The following SAMD13 variants were observed in gnomAD, a reference collection of about 807,000 sequenced individuals.
SAMD13 encodes the protein sterile alpha motif domain containing 13, also known as sterile alpha motif domain-containing protein 13.
In SAMD13, 9 loss-of-function variants were observed where a neutral mutation model predicts 12.4. The observed-to-expected ratio is 0.72, with a 90% CI of 0.44 to 1.26. The LOEUF (loss-of-function observed/expected upper bound fraction) is 1.26. Ranked by LOEUF, SAMD13 falls within the 50% of genes most tolerant of loss-of-function variation. SAMD13 has a pLI of 0.00. For missense variants in SAMD13, 84 were observed against 119.6 expected (o/e 0.70, Z 1.39); for synonymous variants, 46 against 45.4 (o/e 1.01, Z -0.05).
intron 3 of SAMD13, among the ~76,000 whole-genome samples, chr1:84,343,442 A>G (rs1679469160): frequency 6.6e-6 from 1 of 152,240 alleles, no homozygotes; most frequent in Non-Finnish European, 1.5e-5. Flanking sequence ...TAGCAAAGAC[A>G]TGGAATTAAC....
intron 1 of SAMD13, among the ~76,000 whole-genome samples, chr1:84,302,337 CTTT>C (rs34069417): frequency 0.13 from 16,106 of 123,196 alleles, 1,059 homozygotes; most frequent in Non-Finnish European, 0.17. Context: ...CTGTTTCTTC[CTTT>C]TTTTTTTTTT....
chr1:84,339,162 G>A (rs933409478), intron 3 of SAMD13, among the ~76,000 whole-genome samples: 5 of 152,130 alleles, frequency 3.3e-5, no homozygotes, highest in African/African-American at 1.2e-4. Flanking sequence ...TTTCAGTCTG[G>A]TTAAGAACAA....
intron 2 of SAMD13, among the ~76,000 whole-genome samples, chr1:84,307,025 T>G (rs1277512381): frequency 6.6e-6 from 1 of 152,060 alleles, no homozygotes; most frequent in Non-Finnish European, 1.5e-5. Context: ...TTGGTGTGGT[T>G]TCCTTCATGT....
intron 2 of SAMD13, among the ~76,000 whole-genome samples, chr1:84,310,935 C>G (rs1678695795): frequency 6.6e-6 from 1 of 152,058 alleles, no homozygotes; most frequent in South Asian, 2.1e-4. Context: ...AATTTTGTTC[C>G]TCTTTAGCTA....
upstream of SAMD13, chr1:84,298,620 C>T (rs1678367432): frequency 1.6e-6 from 2 of 1,270,308 alleles, no homozygotes; most frequent in Non-Finnish European, 2.0e-6. Context: ...GCCCTCTCCT[C>T]TCTCCAGGAT....
intron 3 of SAMD13, among the ~76,000 whole-genome samples, chr1:84,339,509 C>T (rs1210761349): frequency 4.6e-5 from 7 of 152,108 alleles, no homozygotes; most frequent in Admixed American, 2.0e-4. Context: ...TGGTACCGGG[C>T]CACAGCTTTG....
intron 2 of SAMD13, among the ~76,000 whole-genome samples, chr1:84,310,312 T>C (rs1678682253): frequency 1.3e-5 from 2 of 152,018 alleles, no homozygotes; most frequent in South Asian, 2.1e-4. Flanking sequence ...GGAAGAAGAA[T>C]TGTCTTTGGC....
intron 3 of SAMD13, chr1:84,344,994 G>A (rs1029191090): frequency 2.4e-5 from 11 of 456,616 alleles, no homozygotes; most frequent in African/African-American, 1.8e-4. Context: ...CCTTGGCCTT[G>A]TGGGTAAAGC....
rs1678806060 is a variant in SAMD13, at chr1:84,315,127, A to AT, written c.54-10504dup. Among the ~76,000 whole-genome samples, 4 of 151,314 alleles carry AT rather than the reference A, an allele frequency of 2.6e-5. No homozygotes were observed. In the South Asian group the frequency reaches 6.3e-4, roughly 24 times the overall value. ...TTACTATGAGTTCTACACTCAACAG[A>AT]TTTTTTAAGTGTACGATACAGTATT... On this transcript the variant is annotated intron_variant, in intron 2 of 3. Coordinates refer to ENST00000394834, the MANE Select transcript of SAMD13 (RefSeq NM_001134663.2).
At chr1:84,324,599 C>T (rs1679017223) in intron 2 of SAMD13, among the ~76,000 whole-genome samples, 1 of 152,168 alleles carries the variant, frequency 6.6e-6, no homozygotes, top group South Asian at 2.1e-4. Flanking sequence ...GTCTGTTTTG[C>T]TCTCCAGTGT....
chr1:84,302,135 A>G (rs910747872), intron 1 of SAMD13: 17 of 152,156 alleles, frequency 1.1e-4, no homozygotes, highest in African/African-American at 4.1e-4. Flanking sequence ...AGTGAAAATT[A>G]TCCCACACTT....
intron 3 of SAMD13, among the ~76,000 whole-genome samples, chr1:84,339,752 G>A (rs1359742285): frequency 1.3e-5 from 2 of 152,176 alleles, no homozygotes; most frequent in Non-Finnish European, 2.9e-5. Flanking sequence ...TGGGAGGCAG[G>A]CCAGTAAGGG....
intron 3 of SAMD13, among the ~76,000 whole-genome samples, chr1:84,335,343 T>A (rs1225456014): frequency 6.6e-6 from 1 of 152,200 alleles, no homozygotes; most frequent in Non-Finnish European, 1.5e-5. Flanking sequence ...AAGTCTGTTT[T>A]GTCTGAAATT....
At chr1:84,326,533 A>G (rs1679063639) in intron 3 of SAMD13, among the ~76,000 whole-genome samples, 1 of 152,090 alleles carries the variant, frequency 6.6e-6, no homozygotes, top group South Asian at 2.1e-4. Flanking sequence ...CTAGGTTTGC[A>G]GGGTTGGTCT....
intron 3 of SAMD13, among the ~76,000 whole-genome samples, chr1:84,327,935 AT>A (rs1275811336): frequency 2.0e-5 from 3 of 152,298 alleles, no homozygotes; most frequent in South Asian, 2.1e-4. Flanking sequence ...AACATATTTT[AT>A]TTTGTTTTTC....
intron 2 of SAMD13, among the ~76,000 whole-genome samples, chr1:84,304,447 TTAAG>T (rs1394586941): frequency 3.9e-5 from 6 of 152,266 alleles, no homozygotes; most frequent in African/African-American, 1.2e-4. Flanking sequence ...TGTGACTAGT[TTAAG>T]TAAGAAACTG....
At chr1:84,349,540 G>C (rs1302278943) in intron 3 of SAMD13, 91 bp from the exon 4 acceptor site, 1 of 1,517,762 alleles carries the variant, frequency 6.6e-7, no homozygotes, top group Non-Finnish European at 8.8e-7. Context: ...GGCACAAGTG[G>C]TGTGACTTTT....
rs1025944716 is a variant in SAMD13, at chr1:84,309,955, A to T, written c.53+6668A>T. 1.1e-4 allele frequency among the ~76,000 whole-genome samples: 17 copies of T among 152,166 alleles called. 1 individual carries two copies. In the South Asian group the frequency reaches 3.3e-3, roughly 30 times the overall value. ...ATAATGCTAGTAGGAATATTAACTG[A>T]TAGGGCAGCTTTGCAGAAGGGTTTG... is the stretch of plus-strand genomic sequence containing the variant. On this transcript the variant is annotated intron_variant, in intron 2 of 3. Transcript: ENST00000394834.
chr1:84,340,945 G>A (rs915525319), intron 3 of SAMD13, among the ~76,000 whole-genome samples: 1 of 152,172 alleles, frequency 6.6e-6, no homozygotes, highest in Non-Finnish European at 1.5e-5. Context: ...TCCCATGATG[G>A]CCCTAATAGA....
Sources: gnomAD v4.1 joint callset for allele counts (sites outside exome capture counted in the v4.1 genomes callset) on GRCh38, gnomAD v4.1.1 for gene constraint, MANE v1.5 for transcripts, NCBI Gene and HGNC (gene_info 2026-07-23, HGNC 2026-07-21) for gene names.